ACSS3: variants seen among roughly 807,000 people sequenced by gnomAD.
ACSS3 encodes acyl-CoA synthetase short chain family member 3.
ACSS3 carries 64 observed loss-of-function variants against 84.2 expected under a neutral mutation model. The observed-to-expected ratio is 0.76, with a 90% CI of 0.62 to 0.94. ACSS3 has a LOEUF of 0.94. ACSS3 is among the 40% of genes least tolerant of loss of function. The pLI, the probability that ACSS3 is intolerant of heterozygous loss-of-function variation, is 0.00. For synonymous variants in ACSS3, 317 were observed against 310.1 expected (o/e 1.02, Z -0.23); for missense variants, 815 against 867.6 (o/e 0.94, Z 0.76).
intron 5 of ACSS3, among the ~76,000 whole-genome samples, chr12:81,144,783 A>G (rs1430944065): frequency 1.3e-5 from 2 of 152,208 alleles, no homozygotes; most frequent in Non-Finnish European, 2.9e-5. Flanking sequence ...TTCAGAAATT[A>G]AAAGCTGACT....
At chr12:81,232,833 C>T (rs931149494) in intron 12 of ACSS3, among the ~76,000 whole-genome samples, 5 of 151,536 alleles carry the variant, frequency 3.3e-5, no homozygotes, top group Non-Finnish European at 5.9e-5. Flanking sequence ...CATTTCTAGA[C>T]CAGCAAAAAT....
intron 1 of ACSS3, among the ~76,000 whole-genome samples, chr12:81,082,125 A>T (rs1015034007): frequency 1.3e-5 from 2 of 152,192 alleles, no homozygotes; most frequent in African/African-American, 4.8e-5. Flanking sequence ...ATATGGACAT[A>T]TTGTGTGATG....
At chr12:81,110,619 A>C (rs906430298) in intron 2 of ACSS3, among the ~76,000 whole-genome samples, 3 of 152,206 alleles carry the variant, frequency 2.0e-5, no homozygotes, top group Admixed American at 1.3e-4. Context: ...TTTGGATCAG[A>C]TAATATTTTG....
chr12:81,253,554 A>G lies in ACSS3; in HGVS notation c.1879A>G (p.Ile627Val). 6.2e-7 allele frequency: 1 copy of G among 1,613,988 alleles called. No homozygotes were observed. Among genetic ancestry groups the G allele is most frequent in the Non-Finnish European group, 8.5e-7 (1 of 1,179,932 alleles). The change falls in exon 15 of 16, where the codon ATT (isoleucine) becomes GTT (valine). Residue 627 changes from isoleucine to valine, a missense_variant. Physicochemically the swap from Ile to Val is conservative, Grantham distance 29. Transcript: ENST00000548058. ...EEIVKHVRQN[I>V]GPVAAFRNAV... ...AATTGTGAAACACGTTAGACAGAACATTGGCCCTGTGGCTGCTTTTCGAAA... is the reference window on the plus strand; with the variant it reads ...AATTGTGAAACACGTTAGACAGAACGTTGGCCCTGTGGCTGCTTTTCGAAA...
At chr12:81,201,497 A>G (rs1454706320) in intron 9 of ACSS3, among the ~76,000 whole-genome samples, 1 of 152,186 alleles carries the variant, frequency 6.6e-6, no homozygotes, top group Non-Finnish European at 1.5e-5. Context: ...TTATGTAGTT[A>G]GTTTATTCAG....
intron 7 of ACSS3, among the ~76,000 whole-genome samples, chr12:81,156,823 C>G (rs1000232701): frequency 6.6e-6 from 1 of 152,100 alleles, no homozygotes; most frequent in Non-Finnish European, 1.5e-5. Context: ...CAAGAAATCT[C>G]CAGACACAGA....
chr12:81,109,505 G>A, intron 1 of ACSS3, 55 bp from the exon 2 acceptor site: 1 of 1,560,990 alleles, frequency 6.4e-7, no homozygotes. Flanking sequence ...ACTTCATTAA[G>A]TGACAATATA....
chr12:81,112,759 A>G (rs1429568708), intron 2 of ACSS3, among the ~76,000 whole-genome samples: 1 of 152,222 alleles, frequency 6.6e-6, no homozygotes, highest in African/African-American at 2.4e-5. Context: ...AAACGAAAAG[A>G]AGTGCCTTTG....
chr12:81,117,864 G>A (rs1884181425), intron 2 of ACSS3: 1 of 152,144 alleles, frequency 6.6e-6, no homozygotes, highest in Non-Finnish European at 1.5e-5. Context: ...TTTGTGCCGT[G>A]AGATTCTGGA....
chr12:81,084,933 A>T (rs574415232), intron 1 of ACSS3, among the ~76,000 whole-genome samples: 1 of 152,332 alleles, frequency 6.6e-6, no homozygotes, highest in African/African-American at 2.4e-5. Context: ...TATAGGCAAA[A>T]ACATTCCATG....
chr12:81,155,387 C>T (rs933927681), intron 7 of ACSS3, among the ~76,000 whole-genome samples: 1 of 152,174 alleles, frequency 6.6e-6, no homozygotes, highest in African/African-American at 2.4e-5. Context: ...CTTTTTATAT[C>T]TGCCTTTCCT....
chr12:81,150,881 A>G (rs577344000), intron 5 of ACSS3, among the ~76,000 whole-genome samples: 2 of 133,418 alleles, frequency 1.5e-5, no homozygotes, highest in South Asian at 4.6e-4. Flanking sequence ...TTCATAAAAA[A>G]CAATTTTTTT....
chr12:81,122,767 A>G (rs1884741259), intron 2 of ACSS3, among the ~76,000 whole-genome samples: 1 of 152,116 alleles, frequency 6.6e-6, no homozygotes, highest in Non-Finnish European at 1.5e-5. Context: ...CCTCTCTAAT[A>G]GTTGAATTTT....
At chr12:81,182,453 T>C (rs2030998342) in intron 8 of ACSS3, among the ~76,000 whole-genome samples, 1 of 152,158 alleles carries the variant, frequency 6.6e-6, no homozygotes, top group African/African-American at 2.4e-5. Flanking sequence ...TACAAAAGTA[T>C]AAAACTTTCT....
At chr12:81,254,160 G>A (rs976572001) in intron 15 of ACSS3, among the ~76,000 whole-genome samples, 3 of 152,024 alleles carry the variant, frequency 2.0e-5, no homozygotes, top group Non-Finnish European at 4.4e-5. Flanking sequence ...GAATTCCTGG[G>A]CTCAAGCGAT....
At chr12:81,207,970 C>T (rs1422123377) in intron 9 of ACSS3, among the ~76,000 whole-genome samples, 1 of 152,092 alleles carries the variant, frequency 6.6e-6, no homozygotes, top group Non-Finnish European at 1.5e-5. Flanking sequence ...AAAGAAGCAA[C>T]CTATAGGTTG....
intron 9 of ACSS3, among the ~76,000 whole-genome samples, chr12:81,200,150 A>G (rs541914348): frequency 1.8e-4 from 27 of 152,292 alleles, no homozygotes; most frequent in African/African-American, 5.8e-4. Context: ...AACCACCACA[A>G]CAATAACTCT....
chr12:81,091,327 G>A (rs903687315), intron 1 of ACSS3, among the ~76,000 whole-genome samples: 2 of 151,782 alleles, frequency 1.3e-5, no homozygotes, highest in Non-Finnish European at 1.5e-5. Context: ...TGTTGAATTA[G>A]AATGCATTTA....
intron 1 of ACSS3, among the ~76,000 whole-genome samples, chr12:81,096,771 T>C (rs1245103743): frequency 1.3e-5 from 2 of 152,188 alleles, no homozygotes; most frequent in Non-Finnish European, 2.9e-5. Flanking sequence ...GTTTCCAGCT[T>C]CATCCATGTC....
Sources: allele counts gnomAD v4.1 joint callset (sites outside exome capture counted in the v4.1 genomes callset), GRCh38; gene constraint gnomAD v4.1.1; transcripts MANE v1.5; gene names NCBI Gene and HGNC (gene_info 2026-07-23, HGNC 2026-07-21).